The following EBF2 variants were observed in gnomAD, a reference collection of about 807,000 sequenced individuals.
The protein encoded by EBF2 is transcription factor COE2.
A neutral mutation model predicts 72.8 loss-of-function variants in EBF2; 21 were observed. The ratio of observed to expected loss-of-function variants is 0.29; its 90% confidence interval spans 0.20 to 0.42. The LOEUF (loss-of-function observed/expected upper bound fraction) is 0.42, where lower values mean the gene tolerates loss of function less well. Ranked by LOEUF, EBF2 falls within the 10% of genes least tolerant of loss-of-function variation. The pLI, the probability that EBF2 is intolerant of heterozygous loss-of-function variation, is 1.00. For missense variants in EBF2, 637 were observed against 731.2 expected (o/e 0.87, Z 1.49); for synonymous variants, 299 against 274.2 (o/e 1.09, Z -0.89).
chr8:25,929,487 T>C (rs1803446209), intron 6 of EBF2, among the ~76,000 whole-genome samples: 1 of 152,238 alleles, frequency 6.6e-6, no homozygotes, highest in African/African-American at 2.4e-5. Context: ...TACTCTGTTT[T>C]TAAGGCAAGG....
chr8:25,943,988 C>T (rs1318766219), intron 6 of EBF2, among the ~76,000 whole-genome samples: 2 of 152,146 alleles, frequency 1.3e-5, no homozygotes, highest in Non-Finnish European at 2.9e-5. Context: ...GTCCCAGACT[C>T]GTGGTCTCCA....
intron 6 of EBF2, among the ~76,000 whole-genome samples, chr8:25,916,151 T>C (rs1221778964): frequency 2.6e-5 from 4 of 151,472 alleles, no homozygotes; most frequent in African/African-American, 9.7e-5. Flanking sequence ...CCAGGTGTGG[T>C]GGTGCACACC....
At chr8:25,938,341 C>A (rs943797881) in intron 6 of EBF2, among the ~76,000 whole-genome samples, 6 of 147,670 alleles carry the variant, frequency 4.1e-5, no homozygotes, top group Non-Finnish European at 7.5e-5. Context: ...AAGAATGTTC[C>A]TTTGTGTTAA....
At chr8:25,903,878 C>A (rs962380719) in intron 7 of EBF2, among the ~76,000 whole-genome samples, 2 of 152,188 alleles carry the variant, frequency 1.3e-5, no homozygotes, top group African/African-American at 4.8e-5. Context: ...GCTCATTAGT[C>A]ATCCAGGGAA....
chr8:25,859,751 C>G (rs1047139346), intron 13 of EBF2, among the ~76,000 whole-genome samples: 4 of 148,256 alleles, frequency 2.7e-5, no homozygotes, highest in African/African-American at 1.0e-4. Context: ...AGATCTCACT[C>G]TGTTGCCCTG....
chr8:25,891,854 C>T (rs902481614), intron 7 of EBF2, among the ~76,000 whole-genome samples: 2 of 152,044 alleles, frequency 1.3e-5, no homozygotes, highest in East Asian at 1.9e-4. Flanking sequence ...CTGGGATTAC[C>T]GAAGTGAGCC....
chr8:25,975,469 G>A (rs543770850), intron 6 of EBF2, among the ~76,000 whole-genome samples: 6 of 152,228 alleles, frequency 3.9e-5, no homozygotes, highest in African/African-American at 9.6e-5. Context: ...TAAATAGTGC[G>A]ACAGGATTAA....
At chr8:25,881,086 C>T (rs10108251) in intron 10 of EBF2, among the ~76,000 whole-genome samples, 16,758 of 152,200 alleles carry the variant, frequency 0.11, 3,070 homozygotes, top group African/African-American at 0.38. Flanking sequence ...TCATTTCTGG[C>T]CTGGGCCACC....
intron 6 of EBF2, among the ~76,000 whole-genome samples, chr8:25,982,273 G>C (rs978419715): frequency 6.6e-6 from 1 of 152,236 alleles, no homozygotes; most frequent in African/African-American, 2.4e-5. Context: ...TAAATGGGAA[G>C]TGGTGAGAAA....
At chr8:25,962,829 A>T (rs1804056768) in intron 6 of EBF2, among the ~76,000 whole-genome samples, 1 of 152,210 alleles carries the variant, frequency 6.6e-6, no homozygotes, top group South Asian at 2.1e-4. Flanking sequence ...ACAACAAGTT[A>T]TGTCATTAGT....
At chr8:25,971,107 T>C (rs1804182844) in intron 6 of EBF2, among the ~76,000 whole-genome samples, 1 of 152,144 alleles carries the variant, frequency 6.6e-6, no homozygotes, top group Non-Finnish European at 1.5e-5. Flanking sequence ...AGTGCTGGGA[T>C]TACAGGCATG....
intron 6 of EBF2, among the ~76,000 whole-genome samples, chr8:26,027,866 T>C (rs2117251737): frequency 6.6e-6 from 1 of 152,254 alleles, no homozygotes; most frequent in East Asian, 1.9e-4. Flanking sequence ...AACAAAAAGA[T>C]AAGCACTACC....
At chr8:26,029,640 C>T (rs1170260150) in intron 6 of EBF2, among the ~76,000 whole-genome samples, 1 of 152,100 alleles carries the variant, frequency 6.6e-6, no homozygotes, top group African/African-American at 2.4e-5. Flanking sequence ...AACGCAAAGA[C>T]AGACAGTGTA....
intron 10 of EBF2, among the ~76,000 whole-genome samples, chr8:25,880,448 T>C (rs2117283112): frequency 6.6e-6 from 1 of 152,370 alleles, no homozygotes; most frequent in South Asian, 2.1e-4. Flanking sequence ...TTTCTTTTAA[T>C]GCCTAACTAG....
At chr8:25,968,130 C>T (rs1486496527) in intron 6 of EBF2, among the ~76,000 whole-genome samples, 1 of 152,024 alleles carries the variant, frequency 6.6e-6, no homozygotes, top group South Asian at 2.1e-4. Context: ...GGACAGGACA[C>T]TTCACAGCTA....
At chr8:25,987,801 C>T (rs1804484440) in intron 6 of EBF2, among the ~76,000 whole-genome samples, 1 of 152,050 alleles carries the variant, frequency 6.6e-6, no homozygotes, top group African/African-American at 2.4e-5. Flanking sequence ...GAAGCCCCTG[C>T]CCTCAGGGGC....
chr8:25,900,941 T>C (rs994439730), intron 7 of EBF2, among the ~76,000 whole-genome samples: 1 of 152,132 alleles, frequency 6.6e-6, no homozygotes, highest in African/African-American at 2.4e-5. Flanking sequence ...AACCATGTAT[T>C]GTACATTTCA....
chr8:25,902,715 G>T (rs910753027), intron 7 of EBF2, among the ~76,000 whole-genome samples: 5 of 152,162 alleles, frequency 3.3e-5, no homozygotes, highest in Non-Finnish European at 7.3e-5. Flanking sequence ...TGCAGAGAAG[G>T]GTGTGTCAGC....
intron 6 of EBF2, among the ~76,000 whole-genome samples, chr8:25,919,863 A>C (rs1803280249): frequency 6.6e-6 from 1 of 152,202 alleles, no homozygotes; most frequent in South Asian, 2.1e-4. Flanking sequence ...TCAAGTGCAA[A>C]AAATATTTTG....
Sources: gnomAD v4.1 joint callset for allele counts (sites outside exome capture counted in the v4.1 genomes callset) on GRCh38, gnomAD v4.1.1 for gene constraint, MANE v1.5 for transcripts, NCBI Gene and HGNC (gene_info 2026-07-23, HGNC 2026-07-21) for gene names.